The following DIS3L2 variants were observed in gnomAD, a reference collection of about 807,000 sequenced individuals.
The protein encoded by DIS3L2 is DIS3 like 3'-5' exoribonuclease 2, also known as DIS3-like exonuclease 2.
DIS3L2 carries 34 observed loss-of-function variants against 97.5 expected under a neutral mutation model. The ratio of observed to expected loss-of-function variants is 0.35; its 90% confidence interval spans 0.27 to 0.46. The LOEUF is 0.46. Among genes scored for constraint, DIS3L2 ranks in the 20% least tolerant of loss-of-function variants. The pLI is 1.00. For synonymous variants in DIS3L2, 435 were observed against 445.2 expected (o/e 0.98, Z 0.29); for missense variants, 1,038 against 1,146.0 (o/e 0.91, Z 1.36).
intron 9 of DIS3L2, chr2:232,172,762 G>T (rs748629753): frequency 1.9e-6 from 1 of 534,432 alleles, no homozygotes; most frequent in Non-Finnish European, 3.8e-6. Flanking sequence ...GAGGGTCTCA[G>T]TTGCTCCATA....
intron 13 of DIS3L2, among the ~76,000 whole-genome samples, chr2:232,289,714 T>G (rs1057444586): frequency 6.6e-6 from 1 of 152,250 alleles, no homozygotes; most frequent in Non-Finnish European, 1.5e-5. Flanking sequence ...TATCCTAATC[T>G]GATTCCAGGA....
chr2:232,135,519 A>C (rs1214491165), intron 7 of DIS3L2, among the ~76,000 whole-genome samples: 1 of 152,184 alleles, frequency 6.6e-6, no homozygotes, highest in African/African-American at 2.4e-5. Flanking sequence ...CAGTTTGTTT[A>C]AAATAGCTGT....
intron 1 of DIS3L2, among the ~76,000 whole-genome samples, chr2:231,974,628 A>C (rs1693024471): frequency 6.6e-6 from 1 of 151,550 alleles, no homozygotes; most frequent in South Asian, 2.1e-4. Context: ...TTTTTAAAAA[A>C]ATTTTTTTAC....
At chr2:232,039,064 A>C (rs1243557768) in intron 5 of DIS3L2, among the ~76,000 whole-genome samples, 1 of 152,022 alleles carries the variant, frequency 6.6e-6, no homozygotes, top group East Asian at 1.9e-4. Flanking sequence ...GTTTCTGTGG[A>C]GCTCCCGAGA....
chr2:232,107,952 G>A (rs1472066525), intron 6 of DIS3L2, among the ~76,000 whole-genome samples: 1 of 152,008 alleles, frequency 6.6e-6, no homozygotes, highest in Admixed American at 6.6e-5. Context: ...ATTTATAGCT[G>A]AATTCTACAA....
At position 232,112,423 on chromosome 2, in the gene DIS3L2, A is replaced by T. The variant is rs79723069; in HGVS notation, c.602-18196A>T. Among the ~76,000 whole-genome samples the T allele has an allele frequency of 4.3e-3, 650 of 152,318 alleles. 7 individuals are homozygous for T. The highest frequency in any genetic ancestry group is 0.015 in the African/African-American group (619 of 41,562). ...AAAGTGAATACAAAGTAAAATCTGG[A>T]TACTAGTCTTCGGGTGCACTTAGTC... On this transcript the variant is annotated intron_variant, in intron 6 of 20. Transcript: ENST00000325385.
intron 10 of DIS3L2, among the ~76,000 whole-genome samples, chr2:232,226,886 T>C (rs1266197545): frequency 6.6e-6 from 1 of 152,120 alleles, no homozygotes; most frequent in East Asian, 1.9e-4. Flanking sequence ...GAAGGATCAC[T>C]TGAGCCTGAG....
chr2:232,106,391 CA>C (rs1697358592), intron 6 of DIS3L2, among the ~76,000 whole-genome samples: 1 of 152,012 alleles, frequency 6.6e-6, no homozygotes, highest in Non-Finnish European at 1.5e-5. Context: ...AAATGGAAAA[CA>C]GAAGAAACCA....
intron 10 of DIS3L2, among the ~76,000 whole-genome samples, chr2:232,230,911 C>T (rs556187789): frequency 5.6e-4 from 85 of 152,194 alleles, no homozygotes; most frequent in African/African-American, 2.0e-3. Flanking sequence ...CAAGCTTGCG[C>T]CCACCCCCCA....
intron 5 of DIS3L2, among the ~76,000 whole-genome samples, chr2:232,040,169 GAGAA>G (rs955535637): frequency 2.6e-5 from 4 of 152,194 alleles, no homozygotes; most frequent in Admixed American, 1.3e-4. Context: ...GATGGGAATA[GAGAA>G]AGAGAGAGGA....
intron 1 of DIS3L2, among the ~76,000 whole-genome samples, chr2:231,971,257 A>G (rs1692897958): frequency 6.7e-6 from 1 of 148,734 alleles, no homozygotes. Context: ...GGTTTGGTGT[A>G]CAGTTTATTT....
intron 10 of DIS3L2, among the ~76,000 whole-genome samples, chr2:232,216,931 C>G (rs982960234): frequency 5.3e-5 from 8 of 151,762 alleles, no homozygotes; most frequent in African/African-American, 1.7e-4. Context: ...CAACCTCCCC[C>G]TCCTGGGTTC....
chr2:232,074,942 A>T (rs1193907249), intron 5 of DIS3L2, among the ~76,000 whole-genome samples: 1 of 152,204 alleles, frequency 6.6e-6, no homozygotes, highest in Non-Finnish European at 1.5e-5. Flanking sequence ...GAAGGCAACA[A>T]CATTTAGGCA....
intron 9 of DIS3L2, among the ~76,000 whole-genome samples, chr2:232,170,743 A>T (rs1382204788): frequency 6.6e-6 from 1 of 152,186 alleles, no homozygotes; most frequent in Non-Finnish European, 1.5e-5. Context: ...CTGCCAAAAT[A>T]GAAAACAATG....
chr2:232,105,305 A>C (rs1335242177), intron 6 of DIS3L2, among the ~76,000 whole-genome samples: 1 of 152,182 alleles, frequency 6.6e-6, no homozygotes, highest in Non-Finnish European at 1.5e-5. Flanking sequence ...TTCTGTGTTT[A>C]GCTTTATGAG....
chr2:232,234,442 C>T (rs935315414), intron 10 of DIS3L2, among the ~76,000 whole-genome samples: 3 of 152,150 alleles, frequency 2.0e-5, no homozygotes, highest in Admixed American at 6.5e-5. Flanking sequence ...CTCCACCTCC[C>T]GGGTTCGAGT....
chr2:232,023,979 G>A (rs1048558502), intron 3 of DIS3L2, among the ~76,000 whole-genome samples: 1 of 152,078 alleles, frequency 6.6e-6, no homozygotes, highest in African/African-American at 2.4e-5. Context: ...CTAGCATATA[G>A]GGGCATCTAA....
intron 1 of DIS3L2, among the ~76,000 whole-genome samples, chr2:231,968,396 A>G (rs764788638): frequency 3.9e-5 from 6 of 152,128 alleles, no homozygotes; most frequent in Non-Finnish European, 8.8e-5. Flanking sequence ...CGCTTGGCCT[A>G]ACTGATGTTT....
At position 232,086,601 on chromosome 2, in the gene DIS3L2, A is replaced by ATG. The variant is rs755784146; in HGVS notation, c.367-874_367-873dup. Among the ~76,000 whole-genome samples, 81 of 115,262 alleles carry ATG rather than the reference A, an allele frequency of 7.0e-4. 2 individuals carry two copies. The South Asian group carries it at 9.9e-3, about 14-fold the overall frequency. The allele number at this position is 115,262 out of a possible 152,430, so 75.6% of individuals were successfully genotyped here. ...TGAGCCTTTAAATATATATATATATATGTGTGTGTGTGTATATATATATAT... is the reference window on the plus strand; with the variant it reads ...TGAGCCTTTAAATATATATATATATATGTGTGTGTGTGTGTATATATATATAT... On this transcript the variant is annotated intron_variant, in intron 5 of 20. Transcript: ENST00000325385.
Sources: allele counts gnomAD v4.1 joint callset (sites outside exome capture counted in the v4.1 genomes callset), GRCh38; gene constraint gnomAD v4.1.1; transcripts MANE v1.5; gene names NCBI Gene and HGNC (gene_info 2026-07-23, HGNC 2026-07-21).